PSMD2: variants seen among roughly 807,000 people sequenced by gnomAD.
The protein encoded by PSMD2 is 26S proteasome non-ATPase regulatory subunit 2.
PSMD2 carries 8 observed loss-of-function variants against 101.5 expected under a neutral mutation model. The observed-to-expected ratio is 0.08, with a 90% CI of 0.05 to 0.14. The LOEUF (loss-of-function observed/expected upper bound fraction) is 0.14. Among genes scored for constraint, PSMD2 ranks in the 10% least tolerant of loss-of-function variants. The pLI, the probability that PSMD2 is intolerant of heterozygous loss-of-function variation, is 1.00. For missense variants in PSMD2, 784 were observed against 1,147.4 expected, an observed-to-expected ratio of 0.68 and a Z score of 4.58; for synonymous variants, 418 against 433.8, an observed-to-expected ratio of 0.96 and a Z score of 0.45.
At position 184,303,740 on chromosome 3, in the gene PSMD2, C is replaced by T. The variant is rs373839346; in HGVS notation, c.1314C>T (p.Asp438=). ...ACAAGTACCTGTACTCCTCTGAGGA[C>T]TACATTAAGGTTGGTCTGCATACAG... The part of the protein sequence containing the change: ...QIDKYLYSSE[D]YIKSGALLAC... Residue 438 remains aspartate (D), a synonymous_variant, in exon 10 of 21, where the codon GAC becomes GAT. Coordinates refer to ENST00000310118, the MANE Select transcript of PSMD2 (RefSeq NM_002808.5). The T allele has an allele frequency of 1.2e-6, 2 of 1,613,990 alleles. No homozygotes were observed. The highest frequency in any genetic ancestry group is 2.7e-5 in the African/African-American group (2 of 74,932).
At position 184,304,507 on chromosome 3, in the gene PSMD2, C is replaced by A; in HGVS notation, c.1539+116C>A. The stretch of plus-strand genomic sequence containing the variant: ...GTGCATGTGTGCATACATGTACATG[C>A]CTGTTGGTGTGTATTGAGGGGCGTC... On this transcript the variant is annotated intron_variant, in intron 12 of 20. Coordinates refer to ENST00000310118, the MANE Select transcript of PSMD2 (RefSeq NM_002808.5). The surrounding 1 kb of genome is among the most constrained non-coding windows in gnomAD (Gnocchi z 4.1). The A allele has an allele frequency of 9.5e-7, 1 of 1,048,408 alleles. No homozygotes were observed. Among genetic ancestry groups the A allele is most frequent in the Non-Finnish European group, 1.5e-6 (1 of 683,730 alleles). The allele number at this position is 1,048,408 out of a possible 1,614,324, so 64.9% of individuals were successfully genotyped here.
Position 184,307,627 on chromosome 3 carries a change from C to G in PSMD2, c.2217C>G (p.Ala739=), listed in dbSNP as rs774733685. Residue 739 remains alanine, a synonymous_variant, in exon 18 of 21, where the codon GCC becomes GCG. Coordinates refer to ENST00000310118, the MANE Select transcript of PSMD2 (RefSeq NM_002808.5). ...TAACATTTCCAGGTACCAATAATGC[C>G]CGTCTGGCTGCAATGCTGCGCCAGT... is the stretch of plus-strand genomic sequence containing the variant. ...MGMVGSGTNN[A]RLAAMLRQLA... is the part of the protein sequence containing the mutation. 8 of 1,614,092 alleles carry G rather than the reference C, an allele frequency of 5.0e-6. No homozygotes were observed. Among genetic ancestry groups the G allele is most frequent in the Non-Finnish European group, 6.8e-6 (8 of 1,180,034 alleles).
chr3:184,301,336 CAAAA>C (rs112455702), intron 3 of PSMD2, among the ~76,000 whole-genome samples, 197 bp from the exon 4 acceptor site: 1 of 90,358 alleles, frequency 1.1e-5, no homozygotes, highest in Non-Finnish European at 2.3e-5. Flanking sequence ...AACTGAGTCT[CAAAA>C]AAAAAAAAAA....
At position 184,308,866 on chromosome 3, in the gene PSMD2, G is replaced by A. The variant is rs1721937291; in HGVS notation, c.2703G>A (p.Arg901=). 1 of 1,612,180 alleles carries A rather than the reference G, an allele frequency of 6.2e-7. No homozygotes were observed. Among genetic ancestry groups the A allele is most frequent in the African/African-American group, 1.3e-5 (1 of 74,834 alleles). The part of the protein sequence containing the change: ...TPILEGFVIL[R]KNPNYDL ...TTCTGGAAGGTTTTGTTATCCTTCG[G>A]AAGAACCCCAATTATGATCTCTAAG... Residue 901 remains arginine, a synonymous_variant, in exon 21 of 21, where the codon CGG becomes CGA. Coordinates refer to ENST00000310118, the MANE Select transcript of PSMD2 (RefSeq NM_002808.5). The surrounding 1 kb of genome is among the most constrained non-coding windows in gnomAD (Gnocchi z 6.0).
At chr3:184,307,840 T>C (rs746219140) in intron 18 of PSMD2, 50 bp from the exon 19 acceptor site, 1 of 1,612,706 alleles carries the variant, frequency 6.2e-7, no homozygotes, top group Non-Finnish European at 8.5e-7. Flanking sequence ...GGTTAGGCGA[T>C]GTCTCCTCAG....
chr3:184,301,656 C>A lies in PSMD2; in HGVS notation c.477C>A (p.Val159=). The change falls in exon 4 of 21, where the codon GTC becomes GTA. Residue 159 remains valine, a splice_region_variant and synonymous_variant. Transcript: ENST00000310118. ...TGGCATCATGGGGTCATGAGTATGT[C>A]AGGTAAGATCTTTCTTCTTGGGAAT... ...EELASWGHEY[V]RHLAGEVAKE... is the part of the protein sequence containing the mutation. The A allele has an allele frequency of 1.2e-6, 2 of 1,614,054 alleles. No homozygotes were observed. Among genetic ancestry groups the A allele is most frequent in the Non-Finnish European group, 1.7e-6 (2 of 1,179,994 alleles).
intron 5 of PSMD2, 58 bp downstream of exon 5, chr3:184,302,129 A>G (rs935099697): frequency 6.5e-7 from 1 of 1,535,732 alleles, no homozygotes; most frequent in Non-Finnish European, 9.0e-7. Context: ...CCTCTCTCTC[A>G]ATTGCGCCTC....
At chr3:184,301,005 T>C (rs1424497111) in intron 3 of PSMD2, among the ~76,000 whole-genome samples, 1 of 152,022 alleles carries the variant, frequency 6.6e-6, no homozygotes, top group Non-Finnish European at 1.5e-5. Context: ...ACTTTATCCC[T>C]CATTTATCAC....
Position 184,306,280 on chromosome 3 carries a change from T to G in PSMD2, c.1805-70T>G. On this transcript the variant is annotated intron_variant, in intron 14 of 20. Transcript: ENST00000310118. ...ATCTGCTCTAGATTCTTTAGACTTCTCCTGTTTTCCAAAGCTTTTCCTTGG... is the reference window on the plus strand; with the variant it reads ...ATCTGCTCTAGATTCTTTAGACTTCGCCTGTTTTCCAAAGCTTTTCCTTGG... 3.1e-6 allele frequency: 5 copies of G among 1,593,094 alleles called. No individual in the cohort carries two copies. In the South Asian group the frequency reaches 5.6e-5, roughly 18 times the overall value.
At position 184,303,074 on chromosome 3, in the gene PSMD2, T is replaced by C; in HGVS notation, c.1069+12T>C. The C allele has an allele frequency of 9.9e-6, 16 of 1,612,192 alleles. No individual in the cohort carries two copies. Among genetic ancestry groups the C allele is most frequent in the Non-Finnish European group, 1.2e-5 (14 of 1,178,320 alleles). On this transcript the variant is annotated intron_variant, in intron 8 of 20. Coordinates refer to ENST00000310118, the MANE Select transcript of PSMD2 (RefSeq NM_002808.5). ...CCTAGAGAACAACAGTGAGTAGCCC[T>C]CTCTGTGTATGGGATTTGGGGGATT...
rs753938322 is a variant in PSMD2, at chr3:184,302,383, G to T, written c.718G>T (p.Val240Leu). ...TTACTTTTGTAGTTGTGTGAATTAC[G>T]TGCCTGAGCCTGAGAACTCAGCCCT... ...CLYLTSCVNY[V>L]PEPENSALLR... The change falls in exon 6 of 21, where the codon GTG becomes TTG. Residue 240 changes from valine to leucine, a missense_variant. Coordinates refer to ENST00000310118, the MANE Select transcript of PSMD2 (RefSeq NM_002808.5). 2 of 1,612,118 alleles carry T rather than the reference G, an allele frequency of 1.2e-6. No homozygotes were observed. The highest frequency in any genetic ancestry group is 2.2e-5 in the South Asian group (2 of 90,612).
intron 7 of PSMD2, 71 bp from the exon 8 acceptor site, chr3:184,302,931 C>T: frequency 6.2e-7 from 1 of 1,609,914 alleles, no homozygotes; most frequent in Non-Finnish European, 8.5e-7. Context: ...AATTGCCATT[C>T]AGTGGGATAG....
At chr3:184,302,941 G>C in intron 7 of PSMD2, 61 bp from the exon 8 acceptor site, 2 of 1,610,630 alleles carry the variant, frequency 1.2e-6, no homozygotes, top group Non-Finnish European at 1.7e-6. Context: ...CAGTGGGATA[G>C]CAGAAGGGAC....
intron 16 of PSMD2, 76 bp from the exon 17 acceptor site, chr3:184,307,281 C>T (rs116149916): frequency 0.027 from 41,196 of 1,506,512 alleles, 647 homozygotes; most frequent in Middle Eastern, 0.04. Context: ...CCCCCTTTTA[C>T]CCATCAGTCC....
chr3:184,300,348 T>A lies in PSMD2; in HGVS notation c.261T>A (p.Thr87=), dbSNP rs370879573. Residue 87 remains threonine, a synonymous_variant, in exon 3 of 21, where the codon ACT becomes ACA. Transcript: ENST00000310118. ...ELRRQIRSST[T]SMTSVPKPLK... is the part of the protein sequence containing the mutation. ...GAAGGCAGATTCGTTCTTCTACAAC[T>A]TCCATGACTTCAGTGCCCAAGCCTC... 6.2e-7 allele frequency: 1 copy of A among 1,613,748 alleles called. No homozygotes were observed. Among genetic ancestry groups the A allele is most frequent in the African/African-American group, 1.3e-5 (1 of 74,918 alleles).
intron 3 of PSMD2, among the ~76,000 whole-genome samples, chr3:184,301,209 G>A (rs537870592): frequency 1.5e-4 from 23 of 151,768 alleles, no homozygotes; most frequent in African/African-American, 4.4e-4. Flanking sequence ...GGTGGTGGGC[G>A]CCTGTAATCC....
At position 184,307,938 on chromosome 3, in the gene PSMD2, A is replaced by G; in HGVS notation, c.2347A>G (p.Ser783Gly). Residue 783 changes from serine (S) to glycine (G), a missense_variant, in exon 19 of 21, where the codon AGC (serine) becomes GGC (glycine). By Grantham distance (56) the Ser-to-Gly change is moderately conservative (BLOSUM62 0). Transcript: ENST00000310118. ...CACCCTTACCCTCTGCCCCTACCAC[A>G]GCGACCGGCAGCTTATGAGCCAGGT... ...KGTLTLCPYH[S>G]DRQLMSQVAV... 1 of 1,614,080 alleles carries G rather than the reference A, an allele frequency of 6.2e-7. No individual in the cohort carries two copies. Among genetic ancestry groups the G allele is most frequent in the South Asian group, 1.1e-5 (1 of 91,080 alleles).
chr3:184,303,115 G>A, intron 8 of PSMD2, 53 bp downstream of exon 8: 2 of 1,577,532 alleles, frequency 1.3e-6, no homozygotes, highest in Non-Finnish European at 1.7e-6. Context: ...TATGCCCCTT[G>A]TATTGGGAGT....
chr3:184,304,526 G>GT lies in PSMD2; in HGVS notation c.1539+135_1539+136insT. 1.2e-6 allele frequency: 1 copy of GT among 866,010 alleles called. No homozygotes were observed. Among genetic ancestry groups the GT allele is most frequent in the Non-Finnish European group, 1.9e-6 (1 of 538,020 alleles). The allele number at this position is 866,010 out of a possible 1,614,324, so 53.6% of individuals were successfully genotyped here. ...TACATGCCTGTTGGTGTGTATTGAG[G>GT]GGCGTCACCTCAGTGAAACCCCTTG... is the stretch of plus-strand genomic sequence containing the variant. On this transcript the variant is annotated intron_variant, in intron 12 of 20. Coordinates refer to ENST00000310118, the MANE Select transcript of PSMD2 (RefSeq NM_002808.5). This position sits in a 1 kb window ranked among gnomAD's most constrained non-coding sequence, Gnocchi z 4.1.
Sources: allele counts gnomAD v4.1 joint callset (sites outside exome capture counted in the v4.1 genomes callset), GRCh38; gene constraint gnomAD v4.1.1; non-coding constraint Gnocchi (gnomAD v3.1); transcripts MANE v1.5; gene names NCBI Gene and HGNC (gene_info 2026-07-23, HGNC 2026-07-21).